MGA: variants seen among roughly 807,000 people sequenced by gnomAD.
The protein encoded by MGA is MAX gene-associated protein.
A neutral mutation model predicts 261.1 loss-of-function variants in MGA; 40 were observed. The observed-to-expected ratio is 0.15, with a 90% CI of 0.12 to 0.20. The LOEUF is 0.20. Ranked by LOEUF, MGA falls within the 10% of genes least tolerant of loss-of-function variation. The probability of loss-of-function intolerance (pLI) is 1.00; values close to 1 mark genes in which losing one functional copy is unlikely to be tolerated. For synonymous variants in MGA, 1,302 were observed against 1,290.6 expected (o/e 1.01, Z -0.19); for missense variants, 3,397 against 3,630.5 (o/e 0.94, Z 1.65).
At chr15:41,644,100 AC>A (rs1272506654) in intron 1 of MGA, among the ~76,000 whole-genome samples, 1 of 151,976 alleles carries the variant, frequency 6.6e-6, no homozygotes, top group African/African-American at 2.4e-5. Flanking sequence ...TTGTCCCAGT[AC>A]CATTTTTTCA....
intron 9 of MGA, among the ~76,000 whole-genome samples, chr15:41,719,449 G>T (rs1449874842): frequency 6.6e-6 from 1 of 152,068 alleles, no homozygotes; most frequent in East Asian, 1.9e-4. Flanking sequence ...CTTTGATAAA[G>T]AATGTACCTG....
intron 19 of MGA, among the ~76,000 whole-genome samples, chr15:41,759,438 ATGTGTGTGTG>A (rs58952352): frequency 6.7e-5 from 9 of 134,786 alleles, no homozygotes; most frequent in South Asian, 4.6e-4. Context: ...GCTTCTTAAT[ATGTGTGTGTG>A]TGTGTGTGTG....
At chr15:41,733,310 G>C (rs2061606583) in intron 11 of MGA, among the ~76,000 whole-genome samples, 1 of 152,162 alleles carries the variant, frequency 6.6e-6, no homozygotes, top group Non-Finnish European at 1.5e-5. Flanking sequence ...TGGAACTAAG[G>C]AAAGAGGGCA....
At chr15:41,696,000 T>C in intron 2 of MGA, 75 bp from the exon 3 acceptor site, 1 of 1,112,820 alleles carries the variant, frequency 9.0e-7, no homozygotes, top group Non-Finnish European at 1.3e-6. Flanking sequence ...TAACATCTTT[T>C]TTTTTTTTTC....
chr15:41,636,687 T>C (rs1210653450), intron 1 of MGA, among the ~76,000 whole-genome samples: 1 of 152,100 alleles, frequency 6.6e-6, no homozygotes, highest in Non-Finnish European at 1.5e-5. Flanking sequence ...AGTGCTGGGA[T>C]TACAGGCCTG....
At position 41,750,092 on chromosome 15, in the gene MGA, A is replaced by G. The variant is rs758362927; in HGVS notation, c.6485A>G (p.Glu2162Gly). ...CTACAGCCAGAGGCCAAAGAGAAGG[A>G]ATGTGGAGACTCTCTGGAGAAAGAC... Residue 2162 changes from glutamate (E) to glycine (G), a missense_variant, in exon 17 of 24, where the codon GAA becomes GGA. Glu to Gly is a moderately conservative substitution (Grantham distance 98). Transcript: ENST00000219905. The G allele has an allele frequency of 1.2e-6, 2 of 1,613,340 alleles. No homozygotes were observed. Among genetic ancestry groups the G allele is most frequent in the South Asian group, 2.2e-5 (2 of 91,032 alleles).
In MGA at chr15:41,741,932, G is replaced by T. The variant is rs561969581; in HGVS notation, c.4586-614G>T. ...TCACCGTGTTGGCCAGGCTGGTCTTGAACTCCTGACCTCGTGATCTGCCCA... is the reference window on the plus strand; with the variant it reads ...TCACCGTGTTGGCCAGGCTGGTCTTTAACTCCTGACCTCGTGATCTGCCCA... On this transcript the variant is annotated intron_variant, in intron 14 of 23. Coordinates refer to ENST00000219905, the MANE Select transcript of MGA (RefSeq NM_001164273.2). Among the ~76,000 whole-genome samples the T allele has an allele frequency of 2.0e-5, 3 of 151,774 alleles. No individual in the cohort carries two copies. The South Asian group carries it at 6.2e-4, about 32-fold the overall frequency.
chr15:41,640,494 G>T (rs1208442889), intron 1 of MGA, among the ~76,000 whole-genome samples: 4 of 151,912 alleles, frequency 2.6e-5, no homozygotes, highest in African/African-American at 9.7e-5. Flanking sequence ...TGACATTAGC[G>T]TCTAACATTT....
intron 2 of MGA, 99 bp downstream of exon 2, chr15:41,670,057 G>C: frequency 1.0e-6 from 1 of 956,470 alleles, no homozygotes; most frequent in South Asian, 1.7e-5. Context: ...TACAGATGTT[G>C]ATAAATGTAA....
chr15:41,704,553 G>A (rs950525740), intron 5 of MGA, among the ~76,000 whole-genome samples: 1 of 152,218 alleles, frequency 6.6e-6, no homozygotes, highest in Non-Finnish European at 1.5e-5. Context: ...AGCTGCTGGG[G>A]AGGCTGAAGC....
At chr15:41,763,139 G>T (rs1421587309) in intron 22 of MGA, among the ~76,000 whole-genome samples, 83 of 91,470 alleles carry the variant, frequency 9.1e-4, no homozygotes, top group African/African-American at 3.6e-3. Flanking sequence ...TTGCTCTGTT[G>T]CCCGGGCTGG....
At chr15:41,640,171 G>A (rs2056792984) in intron 1 of MGA, among the ~76,000 whole-genome samples, 1 of 152,122 alleles carries the variant, frequency 6.6e-6, no homozygotes, top group Non-Finnish European at 1.5e-5. Context: ...GACTACGAAG[G>A]CAGAGAGAAG....
chr15:41,685,652 T>C (rs2151151881), intron 2 of MGA, among the ~76,000 whole-genome samples: 1 of 152,328 alleles, frequency 6.6e-6, no homozygotes, highest in Middle Eastern at 3.4e-3. Context: ...ATTAAACTTA[T>C]TCCTAGGTGC....
At chr15:41,682,515 C>G (rs1490746787) in intron 2 of MGA, among the ~76,000 whole-genome samples, 1 of 151,766 alleles carries the variant, frequency 6.6e-6, no homozygotes, top group Non-Finnish European at 1.5e-5. Context: ...GAATCTCGCT[C>G]TGTCACCCAG....
intron 7 of MGA, 47 bp from the exon 8 acceptor site, chr15:41,710,644 A>C (rs775442328): frequency 1.3e-6 from 2 of 1,502,126 alleles, no homozygotes; most frequent in African/African-American, 2.8e-5. Context: ...GAGATTCATA[A>C]ATCTGTCCTA....
intron 1 of MGA, among the ~76,000 whole-genome samples, chr15:41,627,415 A>G (rs1021151396): frequency 6.6e-6 from 1 of 152,170 alleles, no homozygotes; most frequent in Non-Finnish European, 1.5e-5. Context: ...CTTTTGAGGA[A>G]TACCAGTCAG....
chr15:41,763,647 G>A (rs907636950), intron 22 of MGA, among the ~76,000 whole-genome samples: 1 of 152,074 alleles, frequency 6.6e-6, no homozygotes, highest in Non-Finnish European at 1.5e-5. Flanking sequence ...GGAGGCTGAG[G>A]CAGGAGAATC....
At chr15:41,663,484 ATTGTTG>A (rs34595550) in intron 1 of MGA, among the ~76,000 whole-genome samples, 33 of 150,614 alleles carry the variant, frequency 2.2e-4, no homozygotes, top group African/African-American at 7.1e-4. Flanking sequence ...TATTATTATT[ATTGTTG>A]TTGTTGTTGT....
chr15:41,700,083 C>T lies in MGA; in HGVS notation c.2188+924C>T, dbSNP rs181944197. Reference sequence around the variant, plus strand: ...TTTTTTTGATGCGCAGTCTCGCTCTCGCCCAGGCTGGAGTGCAGTGGCACG... The same window carrying T: ...TTTTTTTGATGCGCAGTCTCGCTCTTGCCCAGGCTGGAGTGCAGTGGCACG... On this transcript the variant is annotated intron_variant, in intron 5 of 23. Coordinates refer to ENST00000219905, the MANE Select transcript of MGA (RefSeq NM_001164273.2). Among the ~76,000 whole-genome samples the T allele has an allele frequency of 4.6e-3, 626 of 136,276 alleles. 7 individuals carry two copies. The highest frequency in any genetic ancestry group is 0.016 in the African/African-American group (582 of 36,586). The allele number at this position is 136,276 out of a possible 152,430, so 89.4% of individuals were successfully genotyped here. A position where few individuals can be genotyped will look rare whatever the true frequency, so the allele number is the denominator to read the frequency against.
Sources: gnomAD v4.1 joint callset for allele counts (sites outside exome capture counted in the v4.1 genomes callset) on GRCh38, gnomAD v4.1.1 for gene constraint, MANE v1.5 for transcripts, NCBI Gene and HGNC (gene_info 2026-07-23, HGNC 2026-07-21) for gene names.